Variants in NEU2 observed in about 807,000 individuals in gnomAD.
NEU2 encodes neuraminidase 2, also known as sialidase-2.
Under a neutral mutation model 6.3 loss-of-function variants are expected in NEU2, and 7 were observed. The observed-to-expected ratio is 1.12, with a 90% CI of 0.63 to 2.10. The LOEUF is 2.10. Among genes scored for constraint, NEU2 ranks in the 30% most tolerant of loss-of-function variants. The pLI is 0.00. For missense variants in NEU2, 509 were observed against 504.0 expected (o/e 1.01, Z -0.09); for synonymous variants, 208 against 223.3 (o/e 0.93, Z 0.61).
Position 233,034,930 on chromosome 2 carries a change from G to C in NEU2, c.1016G>C (p.Ser339Thr). 6.2e-7 allele frequency: 1 copy of C among 1,614,172 alleles called. No individual in the cohort carries two copies. Among genetic ancestry groups the C allele is most frequent in the Non-Finnish European group, 8.5e-7 (1 of 1,180,036 alleles). Residue 339 changes from serine to threonine, a missense_variant, in exon 2 of 2, where the codon AGC (serine) becomes ACC (threonine). Transcript: ENST00000233840. The surrounding 1 kb of genome is among the most constrained non-coding windows in gnomAD (Gnocchi z 4.8). ...AGCTGTGCCTACTCAGACCTCCAGAGCATGGGCACCGGCCCTGATGGGTCC... is the reference window on the plus strand; with the variant it reads ...AGCTGTGCCTACTCAGACCTCCAGACCATGGGCACCGGCCCTGATGGGTCC... ...KGSCAYSDLQSMGTGPDGSPL... is the reference protein window; with the variant it reads ...KGSCAYSDLQTMGTGPDGSPL...
chr2:233,034,243 C>T lies in NEU2; in HGVS notation c.329C>T (p.Thr110Met), dbSNP rs372036961. 3.7e-5 allele frequency: 59 copies of T among 1,614,052 alleles called. No homozygotes were observed. The highest frequency in any genetic ancestry group is 8.3e-5 in the Admixed American group (5 of 60,006). Residue 110 changes from threonine (T) to methionine (M), a missense_variant, in exon 2 of 2, where the codon ACG becomes ATG. Thr to Met is a moderately conservative substitution (Grantham distance 81, BLOSUM62 -1). Transcript: ENST00000233840. This position sits in a 1 kb window ranked among gnomAD's most constrained non-coding sequence, Gnocchi z 4.8. The stretch of plus-strand genomic sequence containing the variant: ...TTCATTGCCATCCCTGGGCAAGTCA[C>T]GGAGCAACAGCAGCTGCAGACCAGG... The part of the protein sequence containing the change: ...LFFIAIPGQV[T>M]EQQQLQTRAN...
At chr2:233,033,843 G>T (rs1690548590) in intron 1 of NEU2, among the ~76,000 whole-genome samples, 1 of 152,166 alleles carries the variant, frequency 6.6e-6, no homozygotes, top group African/African-American at 2.4e-5. Flanking sequence ...TCTGGCAGGT[G>T]GGTGTTCTGT....
In NEU2 at chr2:233,034,515, G is replaced by A; in HGVS notation, c.601G>A (p.Asp201Asn). 2 of 1,614,122 alleles carry A rather than the reference G, an allele frequency of 1.2e-6. No homozygotes were observed. The highest frequency in any genetic ancestry group is 1.7e-6 in the Non-Finnish European group (2 of 1,180,000). Residue 201 changes from aspartate to asparagine, a missense_variant, in exon 2 of 2, where the codon GAC (aspartate) becomes AAC (asparagine). Coordinates refer to ENST00000233840, the MANE Select transcript of NEU2 (RefSeq NM_005383.2). This position sits in a 1 kb window ranked among gnomAD's most constrained non-coding sequence, Gnocchi z 4.8. ...IPSAFCFLSHDHGRTWARGHF... is the reference protein window; with the variant it reads ...IPSAFCFLSHNHGRTWARGHF... ...CTCTGCCTTCTGCTTCCTCAGCCAT[G>A]ACCATGGGCGCACGTGGGCGCGAGG...
rs1005176169 is a variant in NEU2, at chr2:233,034,757, C to T, written c.843C>T (p.Ser281=). ...AGGGGAGCGTCATCAGCTTCCCCAG[C>T]CCCCGCTCGGGGCCTGGCTCCCCAG... ...GCQGSVISFP[S]PRSGPGSPAQ... The change falls in exon 2 of 2, where the codon AGC becomes AGT. Residue 281 remains serine (S), a synonymous_variant. Transcript: ENST00000233840. The surrounding 1 kb of genome is among the most constrained non-coding windows in gnomAD (Gnocchi z 4.8). 1.3e-6 allele frequency: 2 copies of T among 1,536,752 alleles called. No homozygotes were observed. Among genetic ancestry groups the T allele is most frequent in the Non-Finnish European group, 1.8e-6 (2 of 1,141,434 alleles).
rs1276697713 is a variant in NEU2 at position 233,034,086 on chromosome 2, C to A, written c.202-30C>A. The A allele has an allele frequency of 6.4e-7, 1 of 1,565,170 alleles. No individual in the cohort carries two copies. Among genetic ancestry groups the A allele is most frequent in the Non-Finnish European group, 8.7e-7 (1 of 1,155,142 alleles). On this transcript the variant is annotated intron_variant, in intron 1 of 1. Coordinates refer to ENST00000233840, the MANE Select transcript of NEU2 (RefSeq NM_005383.2). This position sits in a 1 kb window ranked among gnomAD's most constrained non-coding sequence, Gnocchi z 4.8. ...GGCACCATCCCCAGCTGTTTCAAGG[C>A]TGCCTTCTTCTTTCTCTCTCCCTAC...
Position 233,034,830 on chromosome 2 carries a change from G to A in NEU2, c.916G>A (p.Asp306Asn), listed in dbSNP as rs756368863. The change falls in exon 2 of 2, where the codon GAC becomes AAC. Residue 306 changes from aspartate (D) to asparagine (N), a missense_variant. Transcript: ENST00000233840. This position sits in a 1 kb window ranked among gnomAD's most constrained non-coding sequence, Gnocchi z 4.8. ...THPTHSWQRA[D>N]LGAYLNPRPP... Reference sequence around the variant, plus strand: ...CCCCACACACTCCTGGCAGAGGGCCGACCTGGGTGCCTACCTCAACCCGCG... The same window carrying A: ...CCCCACACACTCCTGGCAGAGGGCCAACCTGGGTGCCTACCTCAACCCGCG... 9.4e-6 allele frequency: 15 copies of A among 1,601,154 alleles called. No homozygotes were observed. The highest frequency in any genetic ancestry group is 3.4e-5 in the Admixed American group (2 of 58,888).
rs1329097539 is a variant in NEU2 at position 233,034,865 on chromosome 2, C to A, written c.951C>A (p.Ala317=). ...CCTACCTCAACCCGCGACCTCCAGC[C>A]CCTGAGGCCTGGTCAGAGCCGGTAC... The part of the protein sequence containing the change: ...LGAYLNPRPP[A]PEAWSEPVLL... The change falls in exon 2 of 2, where the codon GCC becomes GCA. Residue 317 remains alanine, a synonymous_variant. Transcript: ENST00000233840. This position sits in a 1 kb window ranked among gnomAD's most constrained non-coding sequence, Gnocchi z 4.8. 1 of 1,612,580 alleles carries A rather than the reference C, an allele frequency of 6.2e-7. No individual in the cohort carries two copies. Among genetic ancestry groups the A allele is most frequent in the South Asian group, 1.1e-5 (1 of 90,996 alleles).
Position 233,034,318 on chromosome 2 carries a change from C to T in NEU2, c.404C>T (p.Thr135Ile), listed in dbSNP as rs758377556. The T allele has an allele frequency of 4.3e-6, 7 of 1,614,018 alleles. No homozygotes were observed. Among genetic ancestry groups the T allele is most frequent in the Non-Finnish European group, 5.1e-6 (6 of 1,180,028 alleles). The change falls in exon 2 of 2, where the codon ACC becomes ATC. Residue 135 changes from threonine to isoleucine, a missense_variant. Transcript: ENST00000233840. This position sits in a 1 kb window ranked among gnomAD's most constrained non-coding sequence, Gnocchi z 4.8. ...GTCACCAGCACTGACCACGGGAGGA[C>T]CTGGAGCTCCCCCAGAGACCTCACT... Reference protein sequence around the residue: ...CQVTSTDHGRTWSSPRDLTDA... With the variant: ...CQVTSTDHGRIWSSPRDLTDA...
rs1290511759 is a variant in NEU2, at chr2:233,034,041, C to T, written c.202-75C>T. On this transcript the variant is annotated intron_variant, in intron 1 of 1. Transcript: ENST00000233840. The surrounding 1 kb of genome is among the most constrained non-coding windows in gnomAD (Gnocchi z 4.8). ...CCGGGAGACACACCCGTGCCCACCC[C>T]TCCCACTCATGCAGCTCCTGGCACC... 8.3e-5 allele frequency: 112 copies of T among 1,349,096 alleles called. No individual in the cohort carries two copies. In the East Asian group the frequency reaches 1.4e-3, roughly 17 times the overall value. 83.6% of individuals were successfully genotyped at this position (1,349,096 alleles called of 1,614,324 possible). A position where few individuals can be genotyped will look rare whatever the true frequency, so the allele number is the denominator to read the frequency against.
Position 233,034,658 on chromosome 2 carries a change from C to G in NEU2, c.744C>G (p.Ser248Arg). ...SHLRARVQAQ[S>R]TNDGLDFQES... ...TCCGAGCCAGGGTCCAGGCCCAGAG[C>G]ACCAATGACGGGCTTGATTTCCAGG... Residue 248 changes from serine (S) to arginine (R), a missense_variant, in exon 2 of 2, where the codon AGC becomes AGG. By Grantham distance (110) the Ser-to-Arg change is moderately radical (BLOSUM62 -1). Coordinates refer to ENST00000233840, the MANE Select transcript of NEU2 (RefSeq NM_005383.2). The surrounding 1 kb of genome is among the most constrained non-coding windows in gnomAD (Gnocchi z 4.8). The G allele has an allele frequency of 6.3e-7, 1 of 1,582,722 alleles. No homozygotes were observed. The highest frequency in any genetic ancestry group is 1.8e-5 in the Admixed American group (1 of 56,794).
Position 233,034,756 on chromosome 2 carries a change from G to A in NEU2, c.842G>A (p.Ser281Asn). The A allele has an allele frequency of 6.5e-7, 1 of 1,536,408 alleles. No individual in the cohort carries two copies. The highest frequency in any genetic ancestry group is 8.8e-7 in the Non-Finnish European group (1 of 1,141,200). ...CAGGGGAGCGTCATCAGCTTCCCCA[G>A]CCCCCGCTCGGGGCCTGGCTCCCCA... Reference protein sequence around the residue: ...GCQGSVISFPSPRSGPGSPAQ... With the variant: ...GCQGSVISFPNPRSGPGSPAQ... The change falls in exon 2 of 2, where the codon AGC (serine) becomes AAC (asparagine). Residue 281 changes from serine (S) to asparagine (N), a missense_variant. Physicochemically the swap from Ser to Asn is conservative, Grantham distance 46 (BLOSUM62 1). Transcript: ENST00000233840. This position sits in a 1 kb window ranked among gnomAD's most constrained non-coding sequence, Gnocchi z 4.8.
Position 233,033,008 on chromosome 2 carries a change from T to C in NEU2, c.201+136T>C. 7 of 970,870 alleles carry C rather than the reference T, an allele frequency of 7.2e-6. No individual in the cohort carries two copies. The Admixed American group carries it at 7.6e-5, about 11-fold the overall frequency. The allele number at this position is 970,870 out of a possible 1,614,324, so 60.1% of individuals were successfully genotyped here. On this transcript the variant is annotated intron_variant, in intron 1 of 1. Transcript: ENST00000233840. ...CAATGGCTGTACTCCGGAGGAGAGATAGAGCAGAGAAAGTGCCCCTAATGG... is the reference window on the plus strand; with the variant it reads ...CAATGGCTGTACTCCGGAGGAGAGACAGAGCAGAGAAAGTGCCCCTAATGG...
chr2:233,034,019 G>A lies in NEU2; in HGVS notation c.202-97G>A. 9.5e-7 allele frequency: 1 copy of A among 1,050,180 alleles called. No homozygotes were observed. Among genetic ancestry groups the A allele is most frequent in the South Asian group, 1.5e-5 (1 of 65,924 alleles). The allele number at this position is 1,050,180 out of a possible 1,614,324, so 65.1% of individuals were successfully genotyped here. ...CTCGATGACTTTTGACTCTAACCCG[G>A]GAGACACACCCGTGCCCACCCCTCC... On this transcript the variant is annotated intron_variant, in intron 1 of 1. Transcript: ENST00000233840. The surrounding 1 kb of genome is among the most constrained non-coding windows in gnomAD (Gnocchi z 4.8).
chr2:233,034,857 C>T lies in NEU2; in HGVS notation c.943C>T (p.Pro315Ser). ...CCTGGGTGCCTACCTCAACCCGCGA[C>T]CTCCAGCCCCTGAGGCCTGGTCAGA... Reference protein sequence around the residue: ...ADLGAYLNPRPPAPEAWSEPV... With the variant: ...ADLGAYLNPRSPAPEAWSEPV... Residue 315 changes from proline to serine, a missense_variant, in exon 2 of 2, where the codon CCT (proline) becomes TCT (serine). Pro to Ser is a moderately conservative substitution (Grantham distance 74). Transcript: ENST00000233840. This position sits in a 1 kb window ranked among gnomAD's most constrained non-coding sequence, Gnocchi z 4.8. The T allele has an allele frequency of 6.2e-7, 1 of 1,611,276 alleles. No homozygotes were observed. The highest frequency in any genetic ancestry group is 8.5e-7 in the Non-Finnish European group (1 of 1,178,350).
rs889736230 is a variant in NEU2 at position 233,034,469 on chromosome 2, C to A, written c.555C>A (p.His185Gln). ...CCGCCTACGCCTACCGGAAACTTCA[C>A]CCCATCCAAAGGCCGATCCCCTCTG... ...VVPAYAYRKL[H>Q]PIQRPIPSAF... Residue 185 changes from histidine to glutamine, a missense_variant, in exon 2 of 2, where the codon CAC (histidine) becomes CAA (glutamine). Transcript: ENST00000233840. This position sits in a 1 kb window ranked among gnomAD's most constrained non-coding sequence, Gnocchi z 4.8. 22 of 1,614,050 alleles carry A rather than the reference C, an allele frequency of 1.4e-5. No homozygotes were observed. In the Admixed American group the frequency reaches 2.0e-4, roughly 15 times the overall value.
chr2:233,034,391 G>A lies in NEU2; in HGVS notation c.477G>A (p.Val159=). 6.2e-7 allele frequency: 1 copy of A among 1,613,954 alleles called. No homozygotes were observed. Among genetic ancestry groups the A allele is most frequent in the Non-Finnish European group, 8.5e-7 (1 of 1,179,886 alleles). The change falls in exon 2 of 2, where the codon GTG becomes GTA. Residue 159 remains valine (V), a synonymous_variant. Coordinates refer to ENST00000233840, the MANE Select transcript of NEU2 (RefSeq NM_005383.2). The surrounding 1 kb of genome is among the most constrained non-coding windows in gnomAD (Gnocchi z 4.8). ...PAYREWSTFA[V]GPGHCLQLHD... The stretch of plus-strand genomic sequence containing the variant: ...ACCGGGAGTGGTCCACCTTTGCAGT[G>A]GGCCCGGGGCATTGTTTGCAGCTTC...
At position 233,032,685 on chromosome 2, in the gene NEU2, C is replaced by T. The variant is rs1690531065; in HGVS notation, c.14C>T (p.Pro5Leu). MASL[P>L]VLQKESVFQS... ...CCCCCCAGCCCCATGGCGTCCCTTCCTGTCCTGCAGAAGGAGAGCGTGTTC... is the reference window on the plus strand; with the variant it reads ...CCCCCCAGCCCCATGGCGTCCCTTCTTGTCCTGCAGAAGGAGAGCGTGTTC... Residue 5 changes from proline to leucine, a missense_variant, in exon 1 of 2, where the codon CCT becomes CTT. By Grantham distance (98) the Pro-to-Leu change is moderately conservative. Coordinates refer to ENST00000233840, the MANE Select transcript of NEU2 (RefSeq NM_005383.2). The T allele has an allele frequency of 1.2e-6, 2 of 1,614,246 alleles. No individual in the cohort carries two copies. Among genetic ancestry groups the T allele is most frequent in the Non-Finnish European group, 1.7e-6 (2 of 1,180,052 alleles).
chr2:233,034,626 A>G lies in NEU2; in HGVS notation c.712A>G (p.Ser238Gly), dbSNP rs548820173. Reference protein sequence around the residue: ...EQRVVTLNARSHLRARVQAQS... With the variant: ...EQRVVTLNARGHLRARVQAQS... ...GAGGGTGGTGACCCTCAACGCGAGA[A>G]GCCACCTCCGAGCCAGGGTCCAGGC... Residue 238 changes from serine (S) to glycine (G), a missense_variant, in exon 2 of 2, where the codon AGC (serine) becomes GGC (glycine). By Grantham distance (56) the Ser-to-Gly change is moderately conservative. Coordinates refer to ENST00000233840, the MANE Select transcript of NEU2 (RefSeq NM_005383.2). The surrounding 1 kb of genome is among the most constrained non-coding windows in gnomAD (Gnocchi z 4.8). 3.9e-5 allele frequency: 63 copies of G among 1,607,334 alleles called. No individual in the cohort carries two copies. The South Asian group carries it at 5.9e-4, about 15-fold the overall frequency.
intron 1 of NEU2, among the ~76,000 whole-genome samples, chr2:233,033,915 G>A (rs920930972): frequency 6.6e-6 from 1 of 152,166 alleles, no homozygotes; most frequent in Non-Finnish European, 1.5e-5. Context: ...CTGCCTTGGA[G>A]GGGTGAGGTG....
Sources: gnomAD v4.1 joint callset for allele counts (sites outside exome capture counted in the v4.1 genomes callset) on GRCh38, gnomAD v4.1.1 for gene constraint, Gnocchi (gnomAD v3.1) non-coding constraint, MANE v1.5 for transcripts, NCBI Gene and HGNC (gene_info 2026-07-23, HGNC 2026-07-21) for gene names.